The following BICD2 variants were observed in gnomAD, a reference collection of about 807,000 sequenced individuals.
BICD2 encodes protein bicaudal D homolog 2.
Under a neutral mutation model 72.9 loss-of-function variants are expected in BICD2, and 25 were observed. The ratio of observed to expected loss-of-function variants is 0.34; its 90% CI spans 0.25 to 0.48. BICD2 has a LOEUF of 0.48. Among genes scored for constraint, BICD2 ranks in the 20% least tolerant of loss-of-function variants. The probability of loss-of-function intolerance (pLI) is 0.99; values close to 1 mark genes in which losing one functional copy is unlikely to be tolerated. For missense variants in BICD2, 894 were observed against 1,175.2 expected (o/e 0.76, Z 3.50); for synonymous variants, 501 against 516.1 (o/e 0.97, Z 0.40).
At chr9:92,748,849 G>A (rs1314843176) in intron 1 of BICD2, among the ~76,000 whole-genome samples, 1 of 152,150 alleles carries the variant, frequency 6.6e-6, no homozygotes, top group Non-Finnish European at 1.5e-5. Context: ...AACTTTTATT[G>A]TTCCCTTTCA....
intron 1 of BICD2, among the ~76,000 whole-genome samples, chr9:92,749,397 C>T (rs548328402): frequency 9.8e-5 from 15 of 152,332 alleles, no homozygotes; most frequent in Admixed American, 9.1e-4. Flanking sequence ...AGGACTTACA[C>T]TTGTGGATGC....
Position 92,714,954 on chromosome 9 carries a change from T to C in BICD2, c.*200A>G, listed in dbSNP as rs990513697. On this transcript the variant is annotated 3_prime_UTR_variant, in exon 7 of 7. Transcript: ENST00000356884. ...AGAGCAGCTGAGGACTGGGTGCTCC[T>C]GAGGGGGCTTTGAGGAGTGAGAAGC... The C allele has an allele frequency of 2.2e-6, 3 of 1,394,882 alleles. No homozygotes were observed. The highest frequency in any genetic ancestry group is 1.5e-5 in the African/African-American group (1 of 68,660). 86.4% of individuals were successfully genotyped at this position (1,394,882 alleles called of 1,614,324 possible). A position where few individuals can be genotyped will look rare whatever the true frequency, so the allele number is the denominator to read the frequency against.
intron 2 of BICD2, among the ~76,000 whole-genome samples, chr9:92,728,649 T>G (rs1173813005): frequency 1.3e-5 from 2 of 152,138 alleles, no homozygotes; most frequent in Admixed American, 6.5e-5. Context: ...CACAAAACAT[T>G]CCCAGGGCAG....
At chr9:92,760,600 G>A (rs10124058) in intron 1 of BICD2, among the ~76,000 whole-genome samples, 57,536 of 152,114 alleles carry the variant, frequency 0.38, 13,307 homozygotes, top group African/African-American at 0.65. Flanking sequence ...GAGGCCCAGC[G>A]GGGAGAGAAT....
intron 1 of BICD2, among the ~76,000 whole-genome samples, chr9:92,750,979 C>G (rs1256112573): frequency 6.6e-6 from 1 of 151,982 alleles, no homozygotes; most frequent in African/African-American, 2.4e-5. Context: ...GGCGAGATCT[C>G]AGCTCACTGC....
At chr9:92,738,241 G>C (rs534450816) in intron 1 of BICD2, among the ~76,000 whole-genome samples, 30 of 152,322 alleles carry the variant, frequency 2.0e-4, no homozygotes, top group African/African-American at 6.7e-4. Context: ...AGGCAGCATG[G>C]GCACCAGGTC....
intron 1 of BICD2, among the ~76,000 whole-genome samples, chr9:92,753,221 C>T (rs1854186084): frequency 6.6e-6 from 1 of 152,214 alleles, no homozygotes; most frequent in Non-Finnish European, 1.5e-5. Context: ...GTCTGAGAAA[C>T]TGTCACAGTC....
At chr9:92,718,042 G>T in intron 5 of BICD2, 94 bp from the exon 6 acceptor site, 15 of 1,460,158 alleles carry the variant, frequency 1.0e-5, no homozygotes, top group Non-Finnish European at 1.3e-5. Flanking sequence ...GTCTGAAGTG[G>T]TGGCAGTGCC....
At position 92,728,888 on chromosome 9, in the gene BICD2, C is replaced by T. The variant is rs918991609; in HGVS notation, c.453+136G>A. 15 of 931,790 alleles carry T rather than the reference C, an allele frequency of 1.6e-5. 1 individual carries two copies. The highest frequency in any genetic ancestry group is 3.3e-5 in the African/African-American group (2 of 60,394). 57.7% of individuals were successfully genotyped at this position (931,790 alleles called of 1,614,324 possible). A position where few individuals can be genotyped will look rare whatever the true frequency, so the allele number is the denominator to read the frequency against. On this transcript the variant is annotated intron_variant, in intron 2 of 6. Coordinates refer to ENST00000356884, the MANE Select transcript of BICD2 (RefSeq NM_001003800.2). ...AGTGGAGTGCAGTGGAGGATGAGACCAGGAAAGCAAGACAGACCAGCCAGC... is the reference window on the plus strand; with the variant it reads ...AGTGGAGTGCAGTGGAGGATGAGACTAGGAAAGCAAGACAGACCAGCCAGC...
In BICD2 at chr9:92,718,933, C is replaced by T. The variant is rs1198107228; in HGVS notation, c.1712G>A (p.Gly571Asp). ...QGGAGRTSPG[G>D]RTSPEARGRR... The stretch of plus-strand genomic sequence containing the variant: ...GCCACGCGCCTCGGGGCTGGTGCGG[C>T]CCCCGGGACTGGTGCGGCCGGCCCC... The change falls in exon 5 of 7, where the codon GGC (glycine) becomes GAC (aspartate). Residue 571 changes from glycine to aspartate, a missense_variant. Transcript: ENST00000356884. 3 of 1,607,872 alleles carry T rather than the reference C, an allele frequency of 1.9e-6. No individual in the cohort carries two copies. Among genetic ancestry groups the T allele is most frequent in the East Asian group, 2.2e-5 (1 of 44,836 alleles).
chr9:92,726,112 A>T (rs1853563365), intron 2 of BICD2, among the ~76,000 whole-genome samples: 1 of 152,156 alleles, frequency 6.6e-6, no homozygotes, highest in African/African-American at 2.4e-5. Flanking sequence ...TAGAGTCAGG[A>T]TCTGAGAAGC....
At chr9:92,734,706 C>T (rs976956854) in intron 1 of BICD2, among the ~76,000 whole-genome samples, 6 of 152,122 alleles carry the variant, frequency 3.9e-5, no homozygotes, top group African/African-American at 9.7e-5. Flanking sequence ...ATTAAGGGGT[C>T]GCCAGCCGTG....
At position 92,715,343 on chromosome 9, in the gene BICD2, G is replaced by C; in HGVS notation, c.2379C>G (p.Thr793=). ...CCAGCTCGAGCAGCTCCAGCCGCTGGGTCAGCGCCAGCTTCTGCTGGATGG... is the reference window on the plus strand; with the variant it reads ...CCAGCTCGAGCAGCTCCAGCCGCTGCGTCAGCGCCAGCTTCTGCTGGATGG... The part of the protein sequence containing the change: ...RMAIQQKLAL[T]QRLELLELDH... Residue 793 remains threonine (T), a synonymous_variant, in exon 7 of 7, where the codon ACC becomes ACG. Transcript: ENST00000356884. 1 of 1,613,198 alleles carries C rather than the reference G, an allele frequency of 6.2e-7. No homozygotes were observed. Among genetic ancestry groups the C allele is most frequent in the African/African-American group, 1.3e-5 (1 of 75,068 alleles).
chr9:92,759,072 C>T (rs1854320478), intron 1 of BICD2, among the ~76,000 whole-genome samples: 1 of 152,132 alleles, frequency 6.6e-6, no homozygotes, highest in Non-Finnish European at 1.5e-5. Context: ...ACAATTATTT[C>T]ATATAGTAAC....
rs1302642659 is a variant in BICD2, at chr9:92,718,952, C to T, written c.1693G>A (p.Gly565Ser). 9 of 1,609,430 alleles carry T rather than the reference C, an allele frequency of 5.6e-6. No individual in the cohort carries two copies. The highest frequency in any genetic ancestry group is 1.3e-5 in the African/African-American group (1 of 74,860). The change falls in exon 5 of 7, where the codon GGC (glycine) becomes AGC (serine). Residue 565 changes from glycine (G) to serine (S), a missense_variant. Gly to Ser is a moderately conservative substitution (Grantham distance 56, BLOSUM62 0). Around this residue, in one of 5 missense-constraint regions of BICD2, gnomAD observed 321 missense variants for 443.9 expected, o/e 0.72. Coordinates refer to ENST00000356884, the MANE Select transcript of BICD2 (RefSeq NM_001003800.2). ...DYYREGQGGA[G>S]RTSPGGRTSP... The stretch of plus-strand genomic sequence containing the variant: ...GTGCGGCCCCCGGGACTGGTGCGGC[C>T]GGCCCCGCCCTGGCCCTCGCGGTAG...
intron 5 of BICD2, 67 bp downstream of exon 5, chr9:92,718,472 A>C: frequency 6.5e-7 from 1 of 1,527,706 alleles, no homozygotes; most frequent in Non-Finnish European, 8.8e-7. Flanking sequence ...GGGAGGAAGG[A>C]GGCCAAGGGG....
intron 1 of BICD2, among the ~76,000 whole-genome samples, chr9:92,756,831 C>G (rs1854268241): frequency 6.7e-6 from 1 of 150,082 alleles, no homozygotes; most frequent in Non-Finnish European, 1.5e-5. Flanking sequence ...CGCGCCACTG[C>G]ACTACAGCCT....
intron 1 of BICD2, among the ~76,000 whole-genome samples, chr9:92,762,782 G>T (rs1854398071): frequency 6.6e-6 from 1 of 152,216 alleles, no homozygotes; most frequent in Admixed American, 6.5e-5. Flanking sequence ...CAGAGACAGG[G>T]ACTGTAGAGG....
chr9:92,740,459 T>C (rs1453887712), intron 1 of BICD2, among the ~76,000 whole-genome samples: 2 of 149,882 alleles, frequency 1.3e-5, no homozygotes, highest in Non-Finnish European at 3.0e-5. Context: ...CAACGGGAAA[T>C]CAAATAAACA....
Sources: gnomAD v4.1 joint callset for allele counts (sites outside exome capture counted in the v4.1 genomes callset) on GRCh38, gnomAD v4.1.1 for gene constraint, gnomAD v4.1.1 regional missense constraint, MANE v1.5 for transcripts, NCBI Gene and HGNC (gene_info 2026-07-23, HGNC 2026-07-21) for gene names.